The following LIPA variants were observed in gnomAD, a reference collection of about 807,000 sequenced individuals.
The protein encoded by LIPA is lipase A, lysosomal acid type.
A neutral mutation model predicts 40.6 loss-of-function variants in LIPA; 26 were observed. The ratio of observed to expected loss-of-function variants is 0.64; its 90% CI spans 0.47 to 0.89. The LOEUF is 0.89. Among genes scored for constraint, LIPA ranks in the 40% least tolerant of loss-of-function variants. The probability of loss-of-function intolerance (pLI) is 0.00; values close to 1 mark genes in which losing one functional copy is unlikely to be tolerated. For synonymous variants in LIPA, 188 were observed against 168.4 expected (o/e 1.12, Z -0.90); for missense variants, 455 against 479.6 (o/e 0.95, Z 0.48).
chr10:89,367,012 C>T (rs899008942), intron 2 of LIPA, among the ~76,000 whole-genome samples: 7 of 152,172 alleles, frequency 4.6e-5, no homozygotes, highest in Admixed American at 3.3e-4. Context: ...AGGATGAGCT[C>T]ATGTCCTTCT....
chr10:89,306,420 A>C, intron 1 of LIPA: 1 of 1,614,174 alleles, frequency 6.2e-7, no homozygotes, highest in Non-Finnish European at 8.5e-7. Context: ...AACCAAAATG[A>C]AAGAGCGAAG....
rs1843059112 is a variant in LIPA at position 89,248,253 on chromosome 10, C to T, written c.-1-604G>A. Among the ~76,000 whole-genome samples, 3 of 151,174 alleles carry T rather than the reference C, an allele frequency of 2.0e-5. No homozygotes were observed. The South Asian group carries it at 6.3e-4, about 32-fold the overall frequency. ...CTCGGCTCACCACAACCTCCGCCTC[C>T]CAGGTTCAAGCGGTTCTCCTGCCTC... is the stretch of plus-strand genomic sequence containing the variant. On this transcript the variant is annotated intron_variant, in intron 1 of 9. Transcript: ENST00000336233.
chr10:89,395,328 C>G (rs745901504), intron 2 of LIPA, among the ~76,000 whole-genome samples: 1 of 152,148 alleles, frequency 6.6e-6, no homozygotes, highest in Non-Finnish European at 1.5e-5. Flanking sequence ...ACGCCCTGGC[C>G]TCCCATAAAG....
At chr10:89,246,708 C>A (rs999888322) in intron 2 of LIPA, among the ~76,000 whole-genome samples, 49 of 152,128 alleles carry the variant, frequency 3.2e-4, no homozygotes, top group African/African-American at 1.0e-3. Context: ...GAGGTATTTC[C>A]AGATTTTATT....
chr10:89,219,135 T>C (rs1485320309), intron 8 of LIPA, among the ~76,000 whole-genome samples: 1 of 152,178 alleles, frequency 6.6e-6, no homozygotes, highest in Non-Finnish European at 1.5e-5. Context: ...TACAGTGTTC[T>C]TTAAAAGCCT....
intron 1 of LIPA, chr10:89,339,110 A>C (rs750941920): frequency 1.2e-6 from 2 of 1,614,142 alleles, no homozygotes; most frequent in Non-Finnish European, 1.7e-6. Context: ...TGTGGAAGAA[A>C]TGAAAGGGCG....
chr10:89,383,866 G>A lies in LIPA; in HGVS notation c.61+28925C>T, dbSNP rs183153471. ...ATTCAATACTGGGTACGCAATCACC[G>A]TCTATCGCCTGGATAAATTTAACAC... is the stretch of plus-strand genomic sequence containing the variant. On this transcript the variant is annotated intron_variant, in intron 2 of 8. Transcript: ENST00000371837. 9.7e-5 allele frequency: 157 copies of A among 1,614,148 alleles called. 3 individuals carry two copies. The East Asian group carries it at 2.6e-3, about 27-fold the overall frequency.
intron 2 of LIPA, among the ~76,000 whole-genome samples, chr10:89,386,227 A>C (rs1002390938): frequency 6.6e-6 from 1 of 152,134 alleles, no homozygotes; most frequent in Non-Finnish European, 1.5e-5. Context: ...TTTTTCAAAA[A>C]ACTAGGGAGG....
chr10:89,223,890 C>T (rs1184904611), intron 6 of LIPA, 60 bp from the exon 7 acceptor site: 3 of 1,555,242 alleles, frequency 1.9e-6, no homozygotes, highest in Non-Finnish European at 1.8e-6. Flanking sequence ...CATAAGTCTC[C>T]GTGACTCACC....
At chr10:89,280,749 C>T (rs1001561044) in intron 1 of LIPA, among the ~76,000 whole-genome samples, 10 of 152,188 alleles carry the variant, frequency 6.6e-5, no homozygotes, top group Non-Finnish European at 1.2e-4. Context: ...TTATCTGATG[C>T]CTTCTTCCTC....
At chr10:89,378,263 C>T (rs1171100607) in intron 2 of LIPA, 1 of 892,350 alleles carries the variant, frequency 1.1e-6, no homozygotes, top group African/African-American at 1.7e-5. Context: ...GTGGTTCTGA[C>T]CCTGATAGGC....
Position 89,223,838 on chromosome 10 carries a change from A to T in LIPA, c.676-8T>A. ...TTTGTCTCCAAATAAGTCCTACAAA[A>T]TAAAAAGAAACCCAAGAACATCTCA... On this transcript the variant is annotated splice_polypyrimidine_tract_variant and splice_region_variant and intron_variant, in intron 6 of 9. Coordinates refer to ENST00000336233, the MANE Select transcript of LIPA (RefSeq NM_000235.4). 1 of 1,613,976 alleles carries T rather than the reference A, an allele frequency of 6.2e-7. No individual in the cohort carries two copies.
rs1589582636 is a variant in LIPA, at chr10:89,264,848, C to A, written c.-1-17199G>T. Among the ~76,000 whole-genome samples, 4 of 152,234 alleles carry A rather than the reference C, an allele frequency of 2.6e-5. 1 individual carries two copies. Reference sequence around the variant, plus strand: ...TCCCTGGCTTCAAGGTGGTGCTTCACTGGGACTGCCCCTTTCTGCCCAGGG... The same window carrying A: ...TCCCTGGCTTCAAGGTGGTGCTTCAATGGGACTGCCCCTTTCTGCCCAGGG... On this transcript the variant is annotated intron_variant, in intron 1 of 5. Transcript: ENST00000282673.
intron 1 of LIPA, chr10:89,339,528 A>G (rs1254262897): frequency 6.2e-6 from 10 of 1,614,046 alleles, no homozygotes; most frequent in Non-Finnish European, 8.5e-6. Flanking sequence ...AAGTAAGACA[A>G]ATGCAGAATA....
chr10:89,247,840 T>TTTTA (rs1843050030), intron 1 of LIPA, 191 bp from the exon 2 acceptor site: 1 of 232,378 alleles, frequency 4.3e-6, no homozygotes, highest in African/African-American at 2.8e-5. Context: ...TATTTATTTA[T>TTTTA]TTTTATTTTA....
chr10:89,261,197 C>T (rs1843205407), intron 1 of LIPA, among the ~76,000 whole-genome samples: 1 of 152,236 alleles, frequency 6.6e-6, no homozygotes, highest in Non-Finnish European at 1.5e-5. Flanking sequence ...GTCCAGAAGT[C>T]ATAGCCAGAG....
intron 1 of LIPA, among the ~76,000 whole-genome samples, chr10:89,328,614 G>C (rs746920944): frequency 1.3e-5 from 2 of 152,108 alleles, no homozygotes; most frequent in African/African-American, 4.8e-5. Flanking sequence ...GCCCTGAAAC[G>C]TTGCATTACT....
chr10:89,413,435 G>A (rs1476911517), intron 1 of LIPA, among the ~76,000 whole-genome samples: 2 of 152,100 alleles, frequency 1.3e-5, no homozygotes, highest in Non-Finnish European at 2.9e-5. Context: ...ATATTTCAAT[G>A]CAATATGTTT....
chr10:89,318,280 T>C (rs1428242039), intron 1 of LIPA, among the ~76,000 whole-genome samples: 1 of 152,072 alleles, frequency 6.6e-6, no homozygotes, highest in East Asian at 1.9e-4. Flanking sequence ...GCAAATTGGC[T>C]AAAGAGTCAA....
Sources: gnomAD v4.1 joint callset for allele counts (sites outside exome capture counted in the v4.1 genomes callset) on GRCh38, gnomAD v4.1.1 for gene constraint, MANE v1.5 for transcripts, NCBI Gene and HGNC (gene_info 2026-07-23, HGNC 2026-07-21) for gene names.